NAALADL2: variants seen among roughly 807,000 people sequenced by gnomAD.
NAALADL2 encodes the protein N-acetylated alpha-linked acidic dipeptidase like 2.
Under a neutral mutation model 87.2 loss-of-function variants are expected in NAALADL2, and 76 were observed. The ratio of observed to expected loss-of-function variants is 0.87; its 90% confidence interval spans 0.72 to 1.05. NAALADL2 has a LOEUF of 1.05. NAALADL2 is among the 50% of genes least tolerant of loss of function. NAALADL2 has a pLI of 0.00. For synonymous variants in NAALADL2, 354 were observed against 331.0 expected, an observed-to-expected ratio of 1.07 and a Z score of -0.75; for missense variants, 1,089 against 945.8, an observed-to-expected ratio of 1.15 and a Z score of -1.99.
intron 11 of NAALADL2, among the ~76,000 whole-genome samples, chr3:175,686,025 C>T (rs1736246595): frequency 6.6e-6 from 1 of 152,168 alleles, no homozygotes; most frequent in African/African-American, 2.4e-5. Context: ...TTGTCCTAAC[C>T]TCAATTTCTG....
chr3:174,878,635 C>T (rs1728810369), intron 1 of NAALADL2, among the ~76,000 whole-genome samples: 1 of 151,686 alleles, frequency 6.6e-6, no homozygotes, highest in Admixed American at 6.6e-5. Context: ...GAATTTTTTT[C>T]TTGTTGGCAG....
intron 11 of NAALADL2, among the ~76,000 whole-genome samples, chr3:175,701,640 C>T (rs1377458939): frequency 1.3e-5 from 2 of 152,018 alleles, no homozygotes; most frequent in Non-Finnish European, 2.9e-5. Context: ...AATGAAACAG[C>T]AGCAGAAGCT....
intron 3 of NAALADL2, among the ~76,000 whole-genome samples, chr3:174,771,145 A>G (rs1188502288): frequency 6.6e-6 from 1 of 152,196 alleles, no homozygotes; most frequent in Non-Finnish European, 1.5e-5. Context: ...TCTAAATTAA[A>G]TACATTCTGC....
chr3:174,707,949 A>T (rs907553152), intron 2 of NAALADL2, among the ~76,000 whole-genome samples: 16 of 152,260 alleles, frequency 1.1e-4, no homozygotes, highest in African/African-American at 3.9e-4. Flanking sequence ...ATAAACATGG[A>T]TAGTTCCATA....
intron 9 of NAALADL2, among the ~76,000 whole-genome samples, chr3:175,527,611 C>T (rs1256256345): frequency 1.3e-5 from 2 of 152,110 alleles, no homozygotes; most frequent in East Asian, 3.9e-4. Flanking sequence ...GGCATTTTAA[C>T]ATCCCCCTCA....
intron 3 of NAALADL2, among the ~76,000 whole-genome samples, chr3:174,849,128 T>C (rs1378511258): frequency 6.6e-6 from 1 of 152,182 alleles, no homozygotes; most frequent in African/African-American, 2.4e-5. Flanking sequence ...AGTCAGTAAG[T>C]GTGTGGTGAG....
chr3:175,543,595 C>T (rs570656620), intron 9 of NAALADL2, among the ~76,000 whole-genome samples: 38 of 152,134 alleles, frequency 2.5e-4, no homozygotes, highest in African/African-American at 9.2e-4. Flanking sequence ...AGGAGAAGTG[C>T]CAAGCAAAAG....
intron 5 of NAALADL2, among the ~76,000 whole-genome samples, chr3:175,389,979 G>A (rs1226147184): frequency 5.3e-5 from 8 of 152,222 alleles, no homozygotes; most frequent in African/African-American, 1.4e-4. Flanking sequence ...AACAGAGGTG[G>A]TTATATTAAT....
chr3:174,844,660 T>C (rs1724386650), intron 3 of NAALADL2, among the ~76,000 whole-genome samples: 1 of 151,958 alleles, frequency 6.6e-6, no homozygotes, highest in Non-Finnish European at 1.5e-5. Context: ...TGTGTTTTCT[T>C]CAATTTATTT....
intron 3 of NAALADL2, among the ~76,000 whole-genome samples, chr3:175,247,744 C>A (rs1748252342): frequency 6.6e-6 from 1 of 152,154 alleles, no homozygotes; most frequent in Admixed American, 6.5e-5. Context: ...ACTTTTAAAG[C>A]ACAACCCTTG....
At chr3:174,901,366 A>G (rs893742155) in intron 1 of NAALADL2, among the ~76,000 whole-genome samples, 15 of 152,182 alleles carry the variant, frequency 9.9e-5, no homozygotes, top group African/African-American at 3.1e-4. Context: ...TCTATGGGCA[A>G]TGGAAGAACG....
intron 2 of NAALADL2, among the ~76,000 whole-genome samples, chr3:174,559,510 T>C (rs886363124): frequency 3.3e-5 from 5 of 151,998 alleles, no homozygotes; most frequent in African/African-American, 9.7e-5. Flanking sequence ...CAAGATGGAG[T>C]TGCTTTAGCC....
At chr3:174,719,563 A>G (rs1436994197) in intron 2 of NAALADL2, among the ~76,000 whole-genome samples, 2 of 152,218 alleles carry the variant, frequency 1.3e-5, no homozygotes. Flanking sequence ...TAACTCACGT[A>G]TACTCCCTAA....
intron 3 of NAALADL2, among the ~76,000 whole-genome samples, chr3:174,785,554 A>G (rs571727101): frequency 2.5e-3 from 381 of 152,238 alleles, no homozygotes; most frequent in African/African-American, 8.6e-3. Context: ...GCCCAATAGT[A>G]CTTTGAAATT....
intron 2 of NAALADL2, among the ~76,000 whole-genome samples, chr3:175,178,235 T>C (rs550606182): frequency 6.6e-6 from 1 of 152,198 alleles, no homozygotes; most frequent in East Asian, 1.9e-4. Context: ...GTGTTAGTTA[T>C]ATAATTATTA....
intron 2 of NAALADL2, among the ~76,000 whole-genome samples, chr3:175,168,158 A>T (rs1351461064): frequency 7.4e-6 from 1 of 135,868 alleles, no homozygotes; most frequent in Non-Finnish European, 1.7e-5. Flanking sequence ...TATGTAAGTT[A>T]CATTAAAAAA....
chr3:174,873,468 T>C (rs1002637346), intron 1 of NAALADL2, among the ~76,000 whole-genome samples: 7 of 152,188 alleles, frequency 4.6e-5, no homozygotes, highest in African/African-American at 1.7e-4. Context: ...CTGGCCGGGC[T>C]GGTCTTGAAC....
chr3:174,764,969 A>G (rs1713576805), intron 3 of NAALADL2, among the ~76,000 whole-genome samples: 1 of 152,228 alleles, frequency 6.6e-6, no homozygotes, highest in African/African-American at 2.4e-5. Flanking sequence ...CTTGGAAGTT[A>G]TACATGTACA....
At chr3:174,766,921 T>C (rs940888527) in intron 3 of NAALADL2, among the ~76,000 whole-genome samples, 1 of 152,166 alleles carries the variant, frequency 6.6e-6, no homozygotes. Context: ...AGAGCCTGCA[T>C]GGACAGCTGT....
Sources: gnomAD v4.1 joint callset for allele counts (sites outside exome capture counted in the v4.1 genomes callset) on GRCh38, gnomAD v4.1.1 for gene constraint, MANE v1.5 for transcripts, NCBI Gene and HGNC (gene_info 2026-07-23, HGNC 2026-07-21) for gene names.